The following ZNF592 variants were observed in gnomAD, a reference collection of about 807,000 sequenced individuals.
ZNF592 encodes the protein zinc finger protein 592.
Under a neutral mutation model 80.3 loss-of-function variants are expected in ZNF592, and 11 were observed. That is an observed-to-expected ratio of 0.14 (90% confidence interval 0.09 to 0.23). ZNF592 has a LOEUF of 0.23. Ranked by LOEUF, ZNF592 falls within the 10% of genes least tolerant of loss-of-function variation. The probability of loss-of-function intolerance (pLI) is 1.00; values close to 1 mark genes in which losing one functional copy is unlikely to be tolerated. For missense variants in ZNF592, 1,420 were observed against 1,633.9 expected, an observed-to-expected ratio of 0.87 and a Z score of 2.26; for synonymous variants, 646 against 640.3, an observed-to-expected ratio of 1.01 and a Z score of -0.13.
chr15:84,751,011 C>G (rs1898998443), intron 1 of ZNF592, among the ~76,000 whole-genome samples: 1 of 152,198 alleles, frequency 6.6e-6, no homozygotes, highest in African/African-American at 2.4e-5. Flanking sequence ...AGGGAATGGA[C>G]TTTTGAGATA....
intron 2 of ZNF592, among the ~76,000 whole-genome samples, chr15:84,768,230 C>CTTTTTTTTTTTTTTTTTTTT (rs995969490): frequency 8.2e-6 from 1 of 122,340 alleles, no homozygotes; most frequent in African/African-American, 3.3e-5. Context: ...TTCTTTCTTT[C>CTTTTTTTTTTTTTTTTTTTT]TTTTTTTTTT....
chr15:84,772,220 C>G (rs1454456930), intron 2 of ZNF592, among the ~76,000 whole-genome samples: 1 of 152,134 alleles, frequency 6.6e-6, no homozygotes, highest in South Asian at 2.1e-4. Flanking sequence ...CCTTCACTAC[C>G]GTAACCCATG....
Position 84,799,100 on chromosome 15 carries a change from A to T in ZNF592, c.3027A>T (p.Thr1009=), listed in dbSNP as rs1212223957. The change falls in exon 9 of 11, where the codon ACA becomes ACT. Residue 1009 remains threonine (T), a splice_region_variant and synonymous_variant. Coordinates refer to ENST00000560079, the MANE Select transcript of ZNF592 (RefSeq NM_014630.3). The surrounding 1 kb of genome is among the most constrained non-coding windows in gnomAD (Gnocchi z 4.2). ...TGTGTTGCCACCTCCTTCCTTAGAC[A>T]TTGAAGCGGTACCCATGCCGGCAGT... The part of the protein sequence containing the change: ...VSHMKKSHGR[T]LKRYPCRQCE... 1.2e-6 allele frequency: 2 copies of T among 1,614,166 alleles called. No individual in the cohort carries two copies. Among genetic ancestry groups the T allele is most frequent in the Admixed American group, 1.7e-5 (1 of 60,024 alleles).
At chr15:84,773,764 A>C (rs1962161921) in intron 2 of ZNF592, among the ~76,000 whole-genome samples, 5 of 152,008 alleles carry the variant, frequency 3.3e-5, no homozygotes, top group Non-Finnish European at 5.9e-5. Flanking sequence ...TAGAGCTCTA[A>C]TTTTTAGGGT....
intron 2 of ZNF592, among the ~76,000 whole-genome samples, chr15:84,774,292 A>C (rs1340710533): frequency 6.6e-6 from 1 of 152,244 alleles, no homozygotes; most frequent in African/African-American, 2.4e-5. Flanking sequence ...TCCAGTGATG[A>C]ATGAAATAGA....
intron 4 of ZNF592, among the ~76,000 whole-genome samples, chr15:84,789,112 G>C (rs542186714): frequency 6.6e-6 from 1 of 151,948 alleles, no homozygotes; most frequent in East Asian, 1.9e-4. Flanking sequence ...CCAGGTGGTA[G>C]TGGTGCGTGC....
chr15:84,776,805 A>C (rs1375692005), intron 2 of ZNF592, among the ~76,000 whole-genome samples: 1 of 152,126 alleles, frequency 6.6e-6, no homozygotes, highest in African/African-American at 2.4e-5. Flanking sequence ...TAATCTCAGC[A>C]CTTTGGGCGG....
chr15:84,799,693 G>T lies in ZNF592; in HGVS notation c.3138-149G>T. 1 of 1,170,326 alleles carries T rather than the reference G, an allele frequency of 8.5e-7. No individual in the cohort carries two copies. The highest frequency in any genetic ancestry group is 1.2e-5 in the South Asian group (1 of 80,518). 72.5% of individuals were successfully genotyped at this position (1,170,326 alleles called of 1,614,324 possible). A position where few individuals can be genotyped will look rare whatever the true frequency, so the allele number is the denominator to read the frequency against. ...CGTGCTATTGTCTGCTACCTTGGCT[G>T]GCCTGCTGGCTGGATCTCTCTGGGG... On this transcript the variant is annotated intron_variant, in intron 9 of 10. Coordinates refer to ENST00000560079, the MANE Select transcript of ZNF592 (RefSeq NM_014630.3). The surrounding 1 kb of genome is among the most constrained non-coding windows in gnomAD (Gnocchi z 4.2).
Position 84,798,029 on chromosome 15 carries a change from C to T in ZNF592, c.2560C>T (p.Pro854Ser). 1.2e-6 allele frequency: 2 copies of T among 1,613,942 alleles called. No homozygotes were observed. Among genetic ancestry groups the T allele is most frequent in the Non-Finnish European group, 1.7e-6 (2 of 1,180,024 alleles). ...CAGTGCCACCCAGCACCCCACCCAG[C>T]CCCACAGACCCTCCCAGTGAGTGCA... ...DHSATQHPTQ[P>S]HRPSQLIYKC... Residue 854 changes from proline (P) to serine (S), a missense_variant, in exon 6 of 11, where the codon CCC becomes TCC. Around this residue, in one of 7 missense-constraint regions of ZNF592, gnomAD observed 331 missense variants for 347.0 expected, o/e 0.95. Transcript: ENST00000560079. The surrounding 1 kb of genome is among the most constrained non-coding windows in gnomAD (Gnocchi z 4.5).
chr15:84,751,528 G>A (rs957763267), intron 1 of ZNF592, among the ~76,000 whole-genome samples: 14 of 151,900 alleles, frequency 9.2e-5, no homozygotes, highest in African/African-American at 3.4e-4. Context: ...TACAGATTAA[G>A]TCATGTAAAC....
At chr15:84,797,089 T>C (rs758934688) in intron 5 of ZNF592, among the ~76,000 whole-genome samples, 3 of 152,070 alleles carry the variant, frequency 2.0e-5, no homozygotes, top group Non-Finnish European at 4.4e-5. Context: ...GCCACCTGAG[T>C]AGCTGGGATT....
At chr15:84,797,714 G>A (rs147446888) in intron 5 of ZNF592, among the ~76,000 whole-genome samples, 155 bp from the exon 6 acceptor site, 1 of 152,180 alleles carries the variant, frequency 6.6e-6, no homozygotes, top group Non-Finnish European at 1.5e-5. Context: ...CCCTCAGGAC[G>A]TACTTGTCAA....
chr15:84,782,791 G>A lies in ZNF592; in HGVS notation c.116G>A (p.Ser39Asn), dbSNP rs770459948. The A allele has an allele frequency of 1.4e-5, 22 of 1,614,112 alleles. 1 individual carries two copies. In the South Asian group the frequency reaches 2.3e-4, roughly 17 times the overall value. Residue 39 changes from serine (S) to asparagine (N), a missense_variant, in exon 4 of 11, where the codon AGT becomes AAT. Around this residue, in one of 7 missense-constraint regions of ZNF592, gnomAD observed 373 missense variants for 355.5 expected, o/e 1.05. Coordinates refer to ENST00000560079, the MANE Select transcript of ZNF592 (RefSeq NM_014630.3). The stretch of plus-strand genomic sequence containing the variant: ...CAGACACCCAGTGAGGAGAATGAGA[G>A]TCCCCTCAAACCTCCAGGCATATGT... Reference protein sequence around the residue: ...AIQTPSEENESPLKPPGICMD... With the variant: ...AIQTPSEENENPLKPPGICMD...
intron 1 of ZNF592, among the ~76,000 whole-genome samples, chr15:84,757,428 C>G (rs1899208317): frequency 6.7e-6 from 1 of 149,612 alleles, no homozygotes; most frequent in Admixed American, 6.7e-5. Context: ...TCATTACAGT[C>G]TTGACCTCCT....
chr15:84,748,738 C>T (rs1007156000), intron 1 of ZNF592, 74 bp downstream of exon 1: 1 of 147,408 alleles, frequency 6.8e-6, no homozygotes, highest in African/African-American at 2.4e-5. Context: ...CCGGGAGGAT[C>T]GCAGCCGGGA....
chr15:84,787,181 C>T (rs554433016), intron 4 of ZNF592, among the ~76,000 whole-genome samples: 20 of 152,160 alleles, frequency 1.3e-4, no homozygotes, highest in African/African-American at 3.9e-4. Flanking sequence ...TTTGAGTAGG[C>T]AGAGGTCTGG....
At position 84,798,198 on chromosome 15, in the gene ZNF592, C is replaced by T. The variant is rs1173625270; in HGVS notation, c.2577-117C>T. ...GGATGTCCTGAGGCAGGGGAGCATC[C>T]ACATTGGCTCAGGGTAGTGCTTTCC... is the stretch of plus-strand genomic sequence containing the variant. On this transcript the variant is annotated intron_variant, in intron 6 of 10. Coordinates refer to ENST00000560079, the MANE Select transcript of ZNF592 (RefSeq NM_014630.3). This position sits in a 1 kb window ranked among gnomAD's most constrained non-coding sequence, Gnocchi z 4.5. 1.9e-6 allele frequency: 3 copies of T among 1,568,982 alleles called. No individual in the cohort carries two copies. The highest frequency in any genetic ancestry group is 8.7e-7 in the Non-Finnish European group (1 of 1,148,214).
chr15:84,793,978 G>A (rs914705260), intron 5 of ZNF592, among the ~76,000 whole-genome samples: 3 of 152,110 alleles, frequency 2.0e-5, no homozygotes, highest in African/African-American at 4.8e-5. Context: ...GAACATTCAT[G>A]TACAAGTTAT....
intron 4 of ZNF592, among the ~76,000 whole-genome samples, chr15:84,788,822 A>G (rs539309565): frequency 7.2e-5 from 11 of 152,328 alleles, no homozygotes; most frequent in African/African-American, 2.6e-4. Context: ...GGTATCTCAT[A>G]CAAGTGGAAT....
Sources: gnomAD v4.1 joint callset for allele counts (sites outside exome capture counted in the v4.1 genomes callset) on GRCh38, gnomAD v4.1.1 for gene constraint, gnomAD v4.1.1 regional missense constraint, Gnocchi (gnomAD v3.1) non-coding constraint, MANE v1.5 for transcripts, NCBI Gene and HGNC (gene_info 2026-07-23, HGNC 2026-07-21) for gene names.